CAB39L: variants seen among roughly 807,000 people sequenced by gnomAD.
The protein encoded by CAB39L is calcium binding protein 39 like, also known as calcium-binding protein 39-like.
Under a neutral mutation model 39.1 loss-of-function variants are expected in CAB39L, and 23 were observed. That is an observed-to-expected ratio of 0.59 (90% CI 0.42 to 0.83). The LOEUF (loss-of-function observed/expected upper bound fraction) is 0.83, where lower values mean the gene tolerates loss of function less well. Among genes scored for constraint, CAB39L ranks in the 40% least tolerant of loss-of-function variants. The pLI, the probability that CAB39L is intolerant of heterozygous loss-of-function variation, is 0.00. For missense variants in CAB39L, 366 were observed against 391.9 expected, an observed-to-expected ratio of 0.93 and a Z score of 0.56; for synonymous variants, 126 against 137.2, an observed-to-expected ratio of 0.92 and a Z score of 0.57.
At chr13:49,344,101 C>T in intron 8 of CAB39L, 78 bp downstream of exon 8, 1 of 847,532 alleles carries the variant, frequency 1.2e-6, no homozygotes, top group Non-Finnish European at 2.0e-6. Flanking sequence ...GTGGATAATT[C>T]ACAGGGGCAA....
chr13:49,419,817 G>A (rs928718971), intron 3 of CAB39L, among the ~76,000 whole-genome samples: 3 of 152,062 alleles, frequency 2.0e-5, no homozygotes, highest in Non-Finnish European at 4.4e-5. Flanking sequence ...TGAACAAAGA[G>A]CTCAAACTAC....
At chr13:49,325,305 T>A (rs138680154) in intron 10 of CAB39L, among the ~76,000 whole-genome samples, 23 of 152,362 alleles carry the variant, frequency 1.5e-4, no homozygotes, top group African/African-American at 5.0e-4. Flanking sequence ...CGACACCATT[T>A]AAAAGCAGTT....
chr13:49,427,822 G>A (rs929997528), intron 3 of CAB39L, among the ~76,000 whole-genome samples: 60 of 152,304 alleles, frequency 3.9e-4, no homozygotes, highest in Admixed American at 3.5e-3. Flanking sequence ...AGATGAAGGT[G>A]TCAGCAGATT....
At chr13:49,407,144 T>TG (rs79525380) in intron 3 of CAB39L, among the ~76,000 whole-genome samples, 106,260 of 152,036 alleles carry the variant, frequency 0.7, 37,497 homozygotes, top group Middle Eastern at 0.86. Flanking sequence ...GAAGAAAAAA[T>TG]TAAATGATGT....
At chr13:49,435,895 T>C (rs902029842) in intron 1 of CAB39L, among the ~76,000 whole-genome samples, 1 of 152,254 alleles carries the variant, frequency 6.6e-6, no homozygotes, top group Non-Finnish European at 1.5e-5. Flanking sequence ...CCTGGAATTT[T>C]ACGAAGGTGT....
chr13:49,372,637 C>T (rs1955951646), intron 5 of CAB39L, among the ~76,000 whole-genome samples: 1 of 152,074 alleles, frequency 6.6e-6, no homozygotes, highest in South Asian at 2.1e-4. Flanking sequence ...GAAAACCACC[C>T]CTTCTTCACT....
chr13:49,400,697 T>C (rs902547737), intron 3 of CAB39L, among the ~76,000 whole-genome samples: 1 of 152,180 alleles, frequency 6.6e-6, no homozygotes, highest in Non-Finnish European at 1.5e-5. Flanking sequence ...AACATTTTTA[T>C]TTAAATTATG....
chr13:49,351,083 C>A, intron 6 of CAB39L, 171 bp from the exon 7 acceptor site: 5 of 376,634 alleles, frequency 1.3e-5, no homozygotes, highest in Non-Finnish European at 1.8e-5. Flanking sequence ...CTATTGCAGA[C>A]GTATTCTGGA....
intron 3 of CAB39L, among the ~76,000 whole-genome samples, chr13:49,395,843 G>A (rs1317650668): frequency 6.6e-6 from 1 of 152,120 alleles, no homozygotes; most frequent in Non-Finnish European, 1.5e-5. Context: ...AGGGGGCAGG[G>A]GGGTAGGAGA....
chr13:49,383,749 G>A (rs1384847001), intron 3 of CAB39L, among the ~76,000 whole-genome samples: 1 of 152,116 alleles, frequency 6.6e-6, no homozygotes, highest in Admixed American at 6.6e-5. Flanking sequence ...CACCAACATG[G>A]CACATGTATA....
At chr13:49,356,087 A>G (rs552413825) in intron 6 of CAB39L, among the ~76,000 whole-genome samples, 22 of 152,314 alleles carry the variant, frequency 1.4e-4, no homozygotes, top group African/African-American at 5.3e-4. Flanking sequence ...ATGTTCATCA[A>G]TGGATGGTAA....
intron 10 of CAB39L, 21 bp downstream of exon 10, chr13:49,331,926 T>C: frequency 6.2e-7 from 1 of 1,612,982 alleles, no homozygotes; most frequent in Non-Finnish European, 8.5e-7. Flanking sequence ...CAACATTGTT[T>C]CCAGAGCTTG....
intron 7 of CAB39L, among the ~76,000 whole-genome samples, chr13:49,349,480 A>T (rs1566081665): frequency 6.7e-6 from 1 of 149,622 alleles, no homozygotes. Flanking sequence ...ATATATATAC[A>T]TTTAAATGAG....
intron 10 of CAB39L, among the ~76,000 whole-genome samples, chr13:49,330,290 AAG>A (rs1189935884): frequency 6.6e-6 from 1 of 152,188 alleles, no homozygotes; most frequent in African/African-American, 2.4e-5. Context: ...TTGGCTAATA[AAG>A]TAACTTTCTT....
At chr13:49,413,562 T>G (rs986896499) in intron 3 of CAB39L, among the ~76,000 whole-genome samples, 1 of 151,892 alleles carries the variant, frequency 6.6e-6, no homozygotes. Context: ...AAAAGAAAAT[T>G]GTGGTTAAAA....
intron 3 of CAB39L, among the ~76,000 whole-genome samples, chr13:49,392,546 C>G (rs1272553524): frequency 6.6e-6 from 1 of 152,056 alleles, no homozygotes; most frequent in Non-Finnish European, 1.5e-5. Flanking sequence ...GAGGCTGAGG[C>G]AGGAGAATCA....
intron 10 of CAB39L, among the ~76,000 whole-genome samples, chr13:49,331,104 T>C (rs1338618871): frequency 6.6e-6 from 1 of 152,154 alleles, no homozygotes; most frequent in African/African-American, 2.4e-5. Flanking sequence ...ACTAAACTAT[T>C]TACAATAGTT....
At chr13:49,367,268 G>A (rs761226249) in intron 5 of CAB39L, among the ~76,000 whole-genome samples, 25 of 152,234 alleles carry the variant, frequency 1.6e-4, no homozygotes, top group Admixed American at 5.2e-4. Context: ...CATAAAAGAC[G>A]TTCAACATTG....
intron 5 of CAB39L, among the ~76,000 whole-genome samples, chr13:49,368,549 G>A (rs1229250646): frequency 1.3e-5 from 2 of 152,038 alleles, no homozygotes; most frequent in African/African-American, 4.8e-5. Context: ...AGAAAAAAAA[G>A]ACAGAAAAAC....
Sources: gnomAD v4.1 joint callset for allele counts (sites outside exome capture counted in the v4.1 genomes callset) on GRCh38, gnomAD v4.1.1 for gene constraint, MANE v1.5 for transcripts, NCBI Gene and HGNC (gene_info 2026-07-23, HGNC 2026-07-21) for gene names.